The following MVB12B variants were observed in gnomAD, a reference collection of about 807,000 sequenced individuals.
The protein encoded by MVB12B is ESCRT-I complex subunit MVB12B.
Under a neutral mutation model 41.6 loss-of-function variants are expected in MVB12B, and 16 were observed. The observed-to-expected ratio is 0.38, with a 90% CI of 0.26 to 0.58. The LOEUF (loss-of-function observed/expected upper bound fraction) is 0.58. Among genes scored for constraint, MVB12B ranks in the 20% least tolerant of loss-of-function variants. The pLI, the probability that MVB12B is intolerant of heterozygous loss-of-function variation, is 0.62. For missense variants in MVB12B, 274 were observed against 380.2 expected, an observed-to-expected ratio of 0.72 and a Z score of 2.32; for synonymous variants, 133 against 139.7, an observed-to-expected ratio of 0.95 and a Z score of 0.34.
At chr9:126,450,978 C>T (rs889464578) in intron 7 of MVB12B, among the ~76,000 whole-genome samples, 40 of 152,196 alleles carry the variant, frequency 2.6e-4, no homozygotes, top group African/African-American at 9.2e-4. Context: ...GGGAGGGAAG[C>T]GGCACTGTTT....
rs1203628442 is a variant in MVB12B at position 126,473,124 on chromosome 9, TC to T, written c.758-8244del. On this transcript the variant is annotated intron_variant, in intron 7 of 9. Transcript: ENST00000361171. This position sits in a 1 kb window ranked among gnomAD's most constrained non-coding sequence, Gnocchi z 4.0. ...TATCTCTGTCGTCTTATTTCATTTT[TC>T]TTCACCCTCACCACAGCCCGCAGAG... Among the ~76,000 whole-genome samples, 1 of 152,164 alleles carries T rather than the reference TC, an allele frequency of 6.6e-6. No individual in the cohort carries two copies. Among genetic ancestry groups the T allele is most frequent in the Non-Finnish European group, 1.5e-5 (1 of 68,018 alleles).
In MVB12B at chr9:126,480,116, T is replaced by C. The variant is rs1362048614; in HGVS notation, c.758-1253T>C. Among the ~76,000 whole-genome samples the C allele has an allele frequency of 6.6e-6, 1 of 152,190 alleles. No homozygotes were observed. The highest frequency in any genetic ancestry group is 2.4e-5 in the African/African-American group (1 of 41,442). On this transcript the variant is annotated intron_variant, in intron 7 of 9. Coordinates refer to ENST00000361171, the MANE Select transcript of MVB12B (RefSeq NM_033446.3). The surrounding 1 kb of genome is among the most constrained non-coding windows in gnomAD (Gnocchi z 4.9). ...CCCGACGCTGCCCCCATGCTCTACC[T>C]TGCTTCCATTGTGCTCACTCCGTTT...
intron 8 of MVB12B, among the ~76,000 whole-genome samples, chr9:126,483,023 AC>A (rs1347960991): frequency 1.3e-5 from 2 of 152,060 alleles, no homozygotes; most frequent in African/African-American, 2.4e-5. Context: ...CTCACAGGAA[AC>A]CCCTGCTGGC....
At chr9:126,495,340 G>A (rs936886513) in intron 9 of MVB12B, among the ~76,000 whole-genome samples, 1 of 152,190 alleles carries the variant, frequency 6.6e-6, no homozygotes, top group Non-Finnish European at 1.5e-5. Context: ...GGGAGGGAAG[G>A]GTTGGGGAGA....
intron 2 of MVB12B, among the ~76,000 whole-genome samples, chr9:126,366,265 C>G (rs1830178887): frequency 2.0e-5 from 3 of 152,070 alleles, no homozygotes; most frequent in Admixed American, 2.0e-4. Flanking sequence ...CCTAAATTGT[C>G]TAACTCAGTG....
At chr9:126,445,887 C>A (rs1832753025) in intron 7 of MVB12B, among the ~76,000 whole-genome samples, 1 of 152,160 alleles carries the variant, frequency 6.6e-6, no homozygotes, top group African/African-American at 2.4e-5. Flanking sequence ...CTGGGATTTT[C>A]TTGGAAGACA....
chr9:126,382,102 A>T (rs1391145990), intron 3 of MVB12B, among the ~76,000 whole-genome samples: 1 of 6,298 alleles, frequency 1.6e-4, no homozygotes, highest in East Asian at 7.5e-4. Flanking sequence ...ATTTGCAGTT[A>T]AAAAAAAAAA....
At position 126,326,965 on chromosome 9, in the gene MVB12B, C is replaced by T. The variant is rs1305173202; in HGVS notation, c.36C>T (p.Asp12=). 1.9e-5 allele frequency: 5 copies of T among 264,196 alleles called. No individual in the cohort carries two copies. Among genetic ancestry groups the T allele is most frequent in the African/African-American group, 9.5e-5 (4 of 42,028 alleles). The allele number at this position is 264,196 out of a possible 1,614,324, so 16.4% of individuals were successfully genotyped here. A position where few individuals can be genotyped will look rare whatever the true frequency, so the allele number is the denominator to read the frequency against. Residue 12 remains aspartate, a synonymous_variant, in exon 1 of 10, where the codon GAC becomes GAT. Transcript: ENST00000361171. The part of the protein sequence containing the change: ...RSCFCVRRSR[D]PPPPQPPPPP... ...GCTTCTGCGTGAGACGGAGCCGGGA[C>T]CCGCCGCCGCCGCAGCCACCGCCGC...
intron 2 of MVB12B, among the ~76,000 whole-genome samples, chr9:126,354,980 A>G (rs1392064523): frequency 6.6e-6 from 1 of 152,174 alleles, no homozygotes; most frequent in South Asian, 2.1e-4. Flanking sequence ...TGGAGTATAA[A>G]GTGGAGTCTA....
chr9:126,413,435 A>G (rs1299001570), intron 6 of MVB12B, among the ~76,000 whole-genome samples: 1 of 152,182 alleles, frequency 6.6e-6, no homozygotes, highest in African/African-American at 2.4e-5. Flanking sequence ...AAGTCAACTG[A>G]TGATATTTTT....
chr9:126,440,261 C>T (rs778940034), intron 7 of MVB12B, among the ~76,000 whole-genome samples: 6 of 152,192 alleles, frequency 3.9e-5, no homozygotes, highest in Non-Finnish European at 8.8e-5. Context: ...CCAAACTGTG[C>T]ACAGGACATG....
chr9:126,374,582 G>A (rs775937953), intron 2 of MVB12B, among the ~76,000 whole-genome samples: 18 of 152,188 alleles, frequency 1.2e-4, no homozygotes, highest in Non-Finnish European at 1.8e-4. Context: ...GCCTTGTGTC[G>A]ATTCTGTGGC....
intron 9 of MVB12B, 72 bp from the exon 10 acceptor site, chr9:126,503,105 T>G: frequency 1.5e-6 from 2 of 1,324,246 alleles, no homozygotes; most frequent in South Asian, 1.3e-5. Context: ...GATCTTGATC[T>G]GAGGCTGTGG....
intron 9 of MVB12B, among the ~76,000 whole-genome samples, chr9:126,501,338 G>T (rs1457236908): frequency 2.0e-5 from 3 of 152,234 alleles, no homozygotes; most frequent in African/African-American, 2.4e-5. Flanking sequence ...CCTGAGAGAT[G>T]AGTTCACTGA....
intron 9 of MVB12B, among the ~76,000 whole-genome samples, chr9:126,502,026 G>C (rs1389110580): frequency 6.6e-6 from 1 of 152,214 alleles, no homozygotes; most frequent in Admixed American, 6.5e-5. Flanking sequence ...CTCATGGTCA[G>C]CTCACCCATA....
At chr9:126,492,099 G>A (rs763611044) in intron 9 of MVB12B, among the ~76,000 whole-genome samples, 41 of 142,568 alleles carry the variant, frequency 2.9e-4, no homozygotes, top group Non-Finnish European at 5.0e-4. Context: ...CTCCCCCTCC[G>A]TCCACTCCTG....
chr9:126,449,770 CTGTT>C (rs1832857354), intron 7 of MVB12B, among the ~76,000 whole-genome samples: 2 of 152,304 alleles, frequency 1.3e-5, no homozygotes, highest in Non-Finnish European at 2.9e-5. Flanking sequence ...CTTTTTGTGT[CTGTT>C]TGGTTTCAGG....
At chr9:126,359,870 A>G (rs1459436832) in intron 2 of MVB12B, among the ~76,000 whole-genome samples, 3 of 152,002 alleles carry the variant, frequency 2.0e-5, no homozygotes, top group Non-Finnish European at 4.4e-5. Flanking sequence ...AGTTTTATCA[A>G]TTTAATCAAT....
chr9:126,483,872 T>C, intron 8 of MVB12B, 101 bp from the exon 9 acceptor site: 1 of 1,230,798 alleles, frequency 8.1e-7, no homozygotes, highest in Non-Finnish European at 1.2e-6. Flanking sequence ...AAACGCTAGA[T>C]CACACCGTGG....
Sources: allele counts gnomAD v4.1 joint callset (sites outside exome capture counted in the v4.1 genomes callset), GRCh38; gene constraint gnomAD v4.1.1; non-coding constraint Gnocchi (gnomAD v3.1); transcripts MANE v1.5; gene names NCBI Gene and HGNC (gene_info 2026-07-23, HGNC 2026-07-21).